NDST3: variants seen among roughly 807,000 people sequenced by gnomAD.
NDST3 encodes N-deacetylase and N-sulfotransferase 3, also known as bifunctional heparan sulfate N-deacetylase/N-sulfotransferase 3.
A neutral mutation model predicts 96.1 loss-of-function variants in NDST3; 58 were observed. The observed-to-expected ratio is 0.60, with a 90% CI of 0.49 to 0.75. The LOEUF (loss-of-function observed/expected upper bound fraction) is 0.75, where lower values mean the gene tolerates loss of function less well. NDST3 is among the 30% of genes least tolerant of loss of function. The probability of loss-of-function intolerance (pLI) is 0.00; values close to 1 mark genes in which losing one functional copy is unlikely to be tolerated. For missense variants in NDST3, 788 were observed against 1,034.2 expected, an observed-to-expected ratio of 0.76 and a Z score of 3.27; for synonymous variants, 333 against 359.7, an observed-to-expected ratio of 0.93 and a Z score of 0.84.
intron 6 of NDST3, among the ~76,000 whole-genome samples, chr4:118,223,102 A>G (rs1426828395): frequency 2.6e-5 from 4 of 152,130 alleles, no homozygotes; most frequent in African/African-American, 7.2e-5. Flanking sequence ...GGTGACCAGA[A>G]GTATCATTTT....
chr4:118,196,341 A>G (rs1737684939), intron 6 of NDST3, among the ~76,000 whole-genome samples: 1 of 152,188 alleles, frequency 6.6e-6, no homozygotes, highest in African/African-American at 2.4e-5. Context: ...TTTTGGTATC[A>G]GAGTAATACT....
chr4:118,248,390 T>C (rs567505053), intron 12 of NDST3, among the ~76,000 whole-genome samples: 17 of 152,156 alleles, frequency 1.1e-4, no homozygotes, highest in Non-Finnish European at 2.4e-4. Flanking sequence ...AGAGGTTGAA[T>C]CATTGGAGAA....
chr4:118,126,945 T>G (rs912994095), intron 4 of NDST3, among the ~76,000 whole-genome samples: 5 of 152,100 alleles, frequency 3.3e-5, no homozygotes, highest in Non-Finnish European at 2.9e-5. Flanking sequence ...TGATGATCAG[T>G]GATGTTGAGC....
intron 6 of NDST3, chr4:118,194,601 A>G: frequency 5.5e-6 from 4 of 725,558 alleles, no homozygotes; most frequent in Non-Finnish European, 7.8e-6. Context: ...ACAAAGATTC[A>G]GTCCCCAATC....
Position 118,244,112 on chromosome 4 carries a change from T to C in NDST3, c.2399+1963T>C, listed in dbSNP as rs1340232187. Reference sequence around the variant, plus strand: ...GTGGAGATACTGTGTTTCCATTCCATTTCTTTTTATATTTTCTTGTCAATC... The same window carrying C: ...GTGGAGATACTGTGTTTCCATTCCACTTCTTTTTATATTTTCTTGTCAATC... On this transcript the variant is annotated intron_variant, in intron 12 of 13. Transcript: ENST00000296499. Among the ~76,000 whole-genome samples the C allele has an allele frequency of 3.3e-5, 5 of 152,326 alleles. No homozygotes were observed. The South Asian group carries it at 6.2e-4, about 19-fold the overall frequency.
At chr4:118,053,683 T>A in intron 1 of NDST3, 73 bp from the exon 2 acceptor site, 1 of 448,938 alleles carries the variant, frequency 2.2e-6, no homozygotes, top group Non-Finnish European at 3.9e-6. Flanking sequence ...CCACTTATGC[T>A]AGTCAACAAG....
rs530024507 is a variant in NDST3, at chr4:118,194,604, C to T, written c.1540-29887C>T. Reference sequence around the variant, plus strand: ...CCAGTGTAGTGGACAAAGATTCAGTCCCCAATCATGGGCATCTCTGTACCT... The same window carrying T: ...CCAGTGTAGTGGACAAAGATTCAGTTCCCAATCATGGGCATCTCTGTACCT... On this transcript the variant is annotated intron_variant, in intron 6 of 13. Coordinates refer to ENST00000296499, the MANE Select transcript of NDST3 (RefSeq NM_004784.3). 161 of 724,646 alleles carry T rather than the reference C, an allele frequency of 2.2e-4. 2 individuals carry two copies. The Middle Eastern group carries it at 3.6e-3, about 16-fold the overall frequency. 44.9% of individuals were successfully genotyped at this position (724,646 alleles called of 1,614,324 possible).
intron 2 of NDST3, among the ~76,000 whole-genome samples, chr4:118,086,281 C>G (rs1445489737): frequency 1.3e-5 from 2 of 152,036 alleles, no homozygotes; most frequent in East Asian, 1.9e-4. Context: ...GGAAATTTTT[C>G]TTTGCATTGA....
chr4:118,182,950 C>G (rs575342232), intron 6 of NDST3, among the ~76,000 whole-genome samples: 1 of 137,822 alleles, frequency 7.3e-6, no homozygotes, highest in Admixed American at 6.9e-5. Flanking sequence ...ATACAAAAGA[C>G]AGACAACAGA....
intron 6 of NDST3, among the ~76,000 whole-genome samples, chr4:118,160,454 T>A (rs1184581144): frequency 6.8e-6 from 1 of 146,904 alleles, no homozygotes; most frequent in Non-Finnish European, 1.5e-5. Flanking sequence ...ATAAGGAACT[T>A]AAACAAATTT....
At chr4:118,052,095 C>A (rs7656160) in intron 1 of NDST3, among the ~76,000 whole-genome samples, 113,805 of 152,030 alleles carry the variant, frequency 0.75, 44,438 homozygotes, top group South Asian at 0.9. Flanking sequence ...TATGTTTATC[C>A]CAGCACTATT....
At chr4:118,073,350 C>A (rs1727240331) in intron 2 of NDST3, among the ~76,000 whole-genome samples, 2 of 152,020 alleles carry the variant, frequency 1.3e-5, no homozygotes, top group Non-Finnish European at 2.9e-5. Context: ...TCCATCTGGT[C>A]CTGGGCTTTT....
chr4:118,155,988 C>G (rs781554194), intron 6 of NDST3, among the ~76,000 whole-genome samples: 29 of 152,230 alleles, frequency 1.9e-4, no homozygotes, highest in Non-Finnish European at 3.7e-4. Flanking sequence ...CACCCAGTAG[C>G]AAAGATTTTA....
At chr4:118,065,012 C>T (rs1338048214) in intron 2 of NDST3, among the ~76,000 whole-genome samples, 7 of 152,094 alleles carry the variant, frequency 4.6e-5, no homozygotes, top group Non-Finnish European at 1.5e-5. Context: ...TTTAAGGATC[C>T]GTATGGCCCA....
chr4:118,255,729 G>C lies in NDST3; in HGVS notation c.*17G>C. The C allele has an allele frequency of 1.2e-6, 2 of 1,603,030 alleles. No homozygotes were observed. The highest frequency in any genetic ancestry group is 1.7e-6 in the Non-Finnish European group (2 of 1,174,306). ...GTAAGATAGCACTGAGAGAAAACTT[G>C]AGACTTCATCGTCCATGTAGAACAC... On this transcript the variant is annotated 3_prime_UTR_variant, in exon 14 of 14. Coordinates refer to ENST00000296499, the MANE Select transcript of NDST3 (RefSeq NM_004784.3).
chr4:118,054,315 T>C lies in NDST3; in HGVS notation c.405T>C (p.Asn135=). ...AATACATTCTCATTATTTATGAGAA[T>C]ATTTTAAAGTATATAAATATGGATT... ...KGKYILIIYE[N]ILKYINMDSW... is the part of the protein sequence containing the mutation. Residue 135 remains asparagine (N), a synonymous_variant, in exon 2 of 14, where the codon AAT becomes AAC. Transcript: ENST00000296499. The C allele has an allele frequency of 6.2e-7, 1 of 1,608,642 alleles. No individual in the cohort carries two copies.
At chr4:118,089,323 A>T (rs1250521422) in intron 2 of NDST3, among the ~76,000 whole-genome samples, 4 of 151,798 alleles carry the variant, frequency 2.6e-5, no homozygotes, top group African/African-American at 4.8e-5. Context: ...CATTTACTAC[A>T]TTTTTTTGAA....
At chr4:118,109,226 T>C (rs1206856900) in intron 3 of NDST3, among the ~76,000 whole-genome samples, 1 of 152,184 alleles carries the variant, frequency 6.6e-6, no homozygotes, top group Admixed American at 6.5e-5. Flanking sequence ...TTAGATTCTT[T>C]GACATCCATT....
intron 10 of NDST3, 42 bp downstream of exon 10, chr4:118,237,262 T>C (rs1261707607): frequency 6.6e-7 from 1 of 1,524,240 alleles, no homozygotes; most frequent in South Asian, 1.3e-5. Flanking sequence ...AGAAGTGGAG[T>C]ATGGACAATG....
Sources: allele counts gnomAD v4.1 joint callset (sites outside exome capture counted in the v4.1 genomes callset), GRCh38; gene constraint gnomAD v4.1.1; transcripts MANE v1.5; gene names NCBI Gene and HGNC (gene_info 2026-07-23, HGNC 2026-07-21).